The following KIF6 variants were observed in gnomAD, a reference collection of about 807,000 sequenced individuals.
The protein encoded by KIF6 is kinesin family member 6.
In KIF6, 106 loss-of-function variants were observed where a neutral mutation model predicts 112.7. The ratio of observed to expected loss-of-function variants is 0.94; its 90% CI spans 0.80 to 1.11. The LOEUF (loss-of-function observed/expected upper bound fraction) is 1.11. KIF6 is among the 50% of genes least tolerant of loss of function. The pLI is 0.00. For missense variants in KIF6, 929 were observed against 964.0 expected (o/e 0.96, Z 0.48); for synonymous variants, 339 against 339.9 (o/e 1.00, Z 0.03).
intron 13 of KIF6, among the ~76,000 whole-genome samples, chr6:39,458,026 C>A (rs1393751704): frequency 2.0e-5 from 3 of 151,874 alleles, no homozygotes; most frequent in Admixed American, 2.0e-4. Flanking sequence ...TTTTATGAGG[C>A]CAGTATCATT....
chr6:39,508,574 C>T (rs879608939), intron 13 of KIF6, among the ~76,000 whole-genome samples: 14 of 152,248 alleles, frequency 9.2e-5, no homozygotes, highest in Non-Finnish European at 1.8e-4. Context: ...GTGGCTGGCT[C>T]GGTGGGTCCC....
At chr6:39,603,854 A>C (rs540248208) in intron 6 of KIF6, among the ~76,000 whole-genome samples, 3 of 152,282 alleles carry the variant, frequency 2.0e-5, no homozygotes, top group African/African-American at 7.2e-5. Flanking sequence ...GCCATAACTT[A>C]TACCTTTTAT....
intron 13 of KIF6, among the ~76,000 whole-genome samples, chr6:39,539,137 C>T (rs1778635283): frequency 2.0e-5 from 3 of 150,546 alleles, no homozygotes; most frequent in South Asian, 2.1e-4. Flanking sequence ...TTAATGGGTG[C>T]AGCACACCAG....
intron 6 of KIF6, 106 bp from the exon 7 acceptor site, chr6:39,596,366 C>A (rs957506489): frequency 2.5e-6 from 2 of 807,674 alleles, no homozygotes; most frequent in African/African-American, 1.7e-5. Context: ...TCCCATGAAG[C>A]CAACTGTCAA....
chr6:39,395,600 A>T (rs1768206007), intron 15 of KIF6, among the ~76,000 whole-genome samples: 1 of 152,156 alleles, frequency 6.6e-6, no homozygotes, highest in Non-Finnish European at 1.5e-5. Context: ...GGTTGCCAGA[A>T]ATGTTGTGGG....
chr6:39,440,973 G>C (rs1328341148), intron 13 of KIF6, among the ~76,000 whole-genome samples: 3 of 152,126 alleles, frequency 2.0e-5, no homozygotes, highest in Non-Finnish European at 4.4e-5. Flanking sequence ...AATGGGGTTG[G>C]GGGCTATAAC....
Position 39,343,003 on chromosome 6 carries a change from T to A in KIF6, c.2428+706A>T. The A allele has an allele frequency of 1.0e-6, 1 of 985,342 alleles. No individual in the cohort carries two copies. Among genetic ancestry groups the A allele is most frequent in the Non-Finnish European group, 1.2e-6 (1 of 829,908 alleles). The allele number at this position is 985,342 out of a possible 1,614,324, so 61.0% of individuals were successfully genotyped here. A position where few individuals can be genotyped will look rare whatever the true frequency, so the allele number is the denominator to read the frequency against. ...AGCCTGCCTAGTAGCCTTTGGGTTA[T>A]GGGGAGGAGGCTAAGACAAAATGCA... On this transcript the variant is annotated intron_variant, in intron 22 of 22. Transcript: ENST00000287152. This position sits in a 1 kb window ranked among gnomAD's most constrained non-coding sequence, Gnocchi z 4.1.
intron 13 of KIF6, 144 bp from the exon 14 acceptor site, chr6:39,431,305 C>A: frequency 1.7e-6 from 1 of 592,990 alleles, no homozygotes. Flanking sequence ...TGGCCCCAGG[C>A]TCTTCCAGCT....
At chr6:39,346,443 C>G in intron 20 of KIF6, 33 bp downstream of exon 20, 1 of 717,122 alleles carries the variant, frequency 1.4e-6, no homozygotes, top group Non-Finnish European at 2.6e-6. Flanking sequence ...GTCGAGAAGA[C>G]AGCTGTCTAT....
chr6:39,537,072 A>C (rs1220484581), intron 13 of KIF6, among the ~76,000 whole-genome samples: 1 of 152,158 alleles, frequency 6.6e-6, no homozygotes, highest in African/African-American at 2.4e-5. Flanking sequence ...ATCTCAAAAT[A>C]ATAAGAGCTA....
intron 13 of KIF6, among the ~76,000 whole-genome samples, chr6:39,536,545 A>G (rs770148707): frequency 0.022 from 3,411 of 152,150 alleles, 43 homozygotes; most frequent in Non-Finnish European, 0.033. Flanking sequence ...TAGACCAATA[A>G]CAGGAGCTGA....
chr6:39,378,384 T>C lies in KIF6; in HGVS notation c.1861+7238A>G, dbSNP rs1766632262. On this transcript the variant is annotated intron_variant, in intron 16 of 22. Coordinates refer to ENST00000287152, the MANE Select transcript of KIF6 (RefSeq NM_145027.6). The surrounding 1 kb of genome is among the most constrained non-coding windows in gnomAD (Gnocchi z 5.0). ...ACGTGCCACATATACATACAATACA[T>C]ACAACATACCCACACTGCACACATA... Among the ~76,000 whole-genome samples, 1 of 151,586 alleles carries C rather than the reference T, an allele frequency of 6.6e-6. No homozygotes were observed. The highest frequency in any genetic ancestry group is 1.5e-5 in the Non-Finnish European group (1 of 67,898).
At chr6:39,414,775 A>T (rs778259293) in intron 15 of KIF6, among the ~76,000 whole-genome samples, 1 of 152,312 alleles carries the variant, frequency 6.6e-6, no homozygotes, top group Non-Finnish European at 1.5e-5. Flanking sequence ...TCAGAAGACA[A>T]TGTCAAAGTC....
rs1294290309 is a variant in KIF6 at position 39,431,065 on chromosome 6, A to T, written c.1742T>A (p.Ile581Asn). ...GAGACAGCCTTACCTCTGTTTCAGA[A>T]TCTGTTTGTTGTCATCGATGGTAAC... ...DSVTIDDNKQ[I>N]LKQRFSEAKA... The change falls in exon 14 of 23, where the codon ATT (isoleucine) becomes AAT (asparagine). Residue 581 changes from isoleucine (I) to asparagine (N), a missense_variant. Around this residue, in one of 2 missense-constraint regions of KIF6, gnomAD observed 241 missense variants for 301.4 expected, o/e 0.80. Transcript: ENST00000287152. 6.2e-7 allele frequency: 1 copy of T among 1,610,376 alleles called. No individual in the cohort carries two copies. Among genetic ancestry groups the T allele is most frequent in the Non-Finnish European group, 8.5e-7 (1 of 1,176,978 alleles).
intron 3 of KIF6, among the ~76,000 whole-genome samples, chr6:39,668,372 A>T (rs1047032809): frequency 6.6e-6 from 1 of 152,226 alleles, no homozygotes; most frequent in Non-Finnish European, 1.5e-5. Flanking sequence ...TAATCATATG[A>T]TAAGTTCAAA....
chr6:39,563,121 G>A lies in KIF6; in HGVS notation c.1181+14935C>T, dbSNP rs567544946. ...CCAGGTGCAGGGGTGCGCACCTGTA[G>A]TCCCAGATACTAGGAAGGCTGAGGC... On this transcript the variant is annotated intron_variant, in intron 10 of 22. Coordinates refer to ENST00000287152, the MANE Select transcript of KIF6 (RefSeq NM_145027.6). 2.0e-5 allele frequency among the ~76,000 whole-genome samples: 3 copies of A among 152,108 alleles called. No individual in the cohort carries two copies. The South Asian group carries it at 6.2e-4, about 32-fold the overall frequency.
chr6:39,466,964 G>C (rs1016262929), intron 13 of KIF6, among the ~76,000 whole-genome samples: 23 of 152,146 alleles, frequency 1.5e-4, no homozygotes, highest in African/African-American at 5.6e-4. Context: ...CATAAAGCAG[G>C]GTGTTGCTTC....
At chr6:39,407,897 G>A (rs1352075150) in intron 15 of KIF6, among the ~76,000 whole-genome samples, 1 of 152,126 alleles carries the variant, frequency 6.6e-6, no homozygotes. Flanking sequence ...GGTAGAGTCA[G>A]TACCTCCCAA....
intron 10 of KIF6, among the ~76,000 whole-genome samples, chr6:39,575,581 T>C (rs1358203374): frequency 4.6e-5 from 7 of 152,134 alleles, no homozygotes; most frequent in Non-Finnish European, 8.8e-5. Flanking sequence ...CTTCCTCTTA[T>C]TTTTCGTGAG....
Sources: gnomAD v4.1 joint callset for allele counts (sites outside exome capture counted in the v4.1 genomes callset) on GRCh38, gnomAD v4.1.1 for gene constraint, gnomAD v4.1.1 regional missense constraint, Gnocchi (gnomAD v3.1) non-coding constraint, MANE v1.5 for transcripts, NCBI Gene and HGNC (gene_info 2026-07-23, HGNC 2026-07-21) for gene names.